Variants in RANBP2 observed in about 807,000 individuals in gnomAD.
RANBP2 encodes E3 SUMO-protein ligase RanBP2.
A neutral mutation model predicts 303.6 loss-of-function variants in RANBP2; 57 were observed. The observed-to-expected ratio is 0.19, with a 90% CI of 0.15 to 0.23. The LOEUF (loss-of-function observed/expected upper bound fraction) is 0.23. RANBP2 is among the 10% of genes least tolerant of loss of function. The pLI is 1.00. For synonymous variants in RANBP2, 1,167 were observed against 1,301.5 expected (o/e 0.90, Z 2.23); for missense variants, 3,138 against 3,780.8 (o/e 0.83, Z 4.46).
At chr2:109,455,658 G>A in the RANBP2 span, among the ~76,000 whole-genome samples, 3 of 152,202 alleles carry the variant, frequency 2.0e-5, no homozygotes, top group Non-Finnish European at 4.4e-5. Flanking sequence ...TCTCTAAAGT[G>A]AAGAATCGCT....
chr2:109,705,543 A>C, the RANBP2 span, among the ~76,000 whole-genome samples: 1 of 152,196 alleles, frequency 6.6e-6, no homozygotes, highest in Non-Finnish European at 1.5e-5. Flanking sequence ...AGTGGCGTTA[A>C]AGCTTGCTCT....
At chr2:109,145,115 C>A in the RANBP2 span, among the ~76,000 whole-genome samples, 1 of 152,184 alleles carries the variant, frequency 6.6e-6, no homozygotes, top group Non-Finnish European at 1.5e-5. Context: ...CTTCCCTCAC[C>A]GGCTCTGTCT....
At chr2:108,736,393 G>A in intron 6 of RANBP2, 144 bp downstream of exon 6, 1 of 1,485,346 alleles carries the variant, frequency 6.7e-7, no homozygotes. Flanking sequence ...CAACTAGGAG[G>A]CAATCTTATT....
chr2:109,451,535 T>A, the RANBP2 span, among the ~76,000 whole-genome samples: 1 of 151,158 alleles, frequency 6.6e-6, no homozygotes, highest in Non-Finnish European at 1.5e-5. Flanking sequence ...TCTATGACAT[T>A]ACGTCCTGTA....
chr2:109,719,758 T>A, the RANBP2 span, among the ~76,000 whole-genome samples: 2 of 151,806 alleles, frequency 1.3e-5, no homozygotes, highest in Non-Finnish European at 2.9e-5. Flanking sequence ...CTGGGGAGAG[T>A]CCATAGATAC....
the RANBP2 span, among the ~76,000 whole-genome samples, chr2:109,195,311 T>C: frequency 6.6e-6 from 1 of 152,096 alleles, no homozygotes; most frequent in Non-Finnish European, 1.5e-5. Context: ...TGGCAGGCAG[T>C]TCCTGGGAGG....
the RANBP2 span, among the ~76,000 whole-genome samples, chr2:108,997,592 G>A: frequency 7.2e-5 from 11 of 151,816 alleles, no homozygotes; most frequent in African/African-American, 1.9e-4. Context: ...AAGACCTGGT[G>A]TTAAGACACT....
At chr2:108,848,250 A>G in the RANBP2 span, among the ~76,000 whole-genome samples, 2 of 152,238 alleles carry the variant, frequency 1.3e-5, no homozygotes, top group Non-Finnish European at 2.9e-5. Context: ...TGCTAAGAAA[A>G]GCAAAAATGC....
chr2:109,030,024 G>A, the RANBP2 span, among the ~76,000 whole-genome samples: 2 of 152,208 alleles, frequency 1.3e-5, no homozygotes, highest in East Asian at 1.9e-4. Flanking sequence ...GCCAGTTCGA[G>A]TGTGTGGGTG....
the RANBP2 span, among the ~76,000 whole-genome samples, chr2:109,679,376 G>A: frequency 6.6e-6 from 1 of 152,166 alleles, no homozygotes; most frequent in Admixed American, 6.5e-5. Context: ...TAGAGAGTAG[G>A]TGAATTTGCA....
chr2:109,462,394 A>G, the RANBP2 span, among the ~76,000 whole-genome samples: 1 of 152,088 alleles, frequency 6.6e-6, no homozygotes, highest in Non-Finnish European at 1.5e-5. Flanking sequence ...AATTTGCTTA[A>G]ACAACGAAAC....
At chr2:109,559,404 G>C in the RANBP2 span, among the ~76,000 whole-genome samples, 2 of 152,262 alleles carry the variant, frequency 1.3e-5, no homozygotes, top group South Asian at 4.2e-4. Context: ...TCTGTAGCCT[G>C]ACCTAAACTT....
the RANBP2 span, among the ~76,000 whole-genome samples, chr2:108,961,319 T>C: frequency 6.6e-6 from 1 of 152,158 alleles, no homozygotes; most frequent in Admixed American, 6.5e-5. Context: ...CCTGGAGGCC[T>C]CTGCCCCCAG....
the RANBP2 span, among the ~76,000 whole-genome samples, chr2:108,965,414 G>T: frequency 6.6e-6 from 1 of 150,550 alleles, no homozygotes; most frequent in Non-Finnish European, 1.5e-5. Flanking sequence ...CCGGGAGGCC[G>T]AGGTCACGCC....
chr2:109,224,165 AGT>A, the RANBP2 span, among the ~76,000 whole-genome samples: 3 of 152,040 alleles, frequency 2.0e-5, no homozygotes, highest in Admixed American at 6.5e-5. Context: ...AGGCCTAGAG[AGT>A]GTGTGTGCAT....
At chr2:109,620,988 T>C in the RANBP2 span, among the ~76,000 whole-genome samples, 93 of 152,312 alleles carry the variant, frequency 6.1e-4, no homozygotes, top group African/African-American at 2.2e-3. Context: ...AAATTTAAAA[T>C]AGATCATTTT....
the RANBP2 span, among the ~76,000 whole-genome samples, chr2:109,382,457 C>A: frequency 5.3e-5 from 8 of 152,140 alleles, no homozygotes; most frequent in Non-Finnish European, 8.8e-5. Flanking sequence ...TGACCCCCGA[C>A]GTGGTTGGCC....
the RANBP2 span, among the ~76,000 whole-genome samples, chr2:108,918,586 T>C: frequency 3.3e-5 from 5 of 152,100 alleles, no homozygotes; most frequent in African/African-American, 1.2e-4. Flanking sequence ...AAAGTGAAAA[T>C]GAGCGGGGAC....
chr2:108,725,660 G>C (rs1229116154), intron 1 of RANBP2, among the ~76,000 whole-genome samples: 3 of 152,034 alleles, frequency 2.0e-5, no homozygotes, highest in Non-Finnish European at 2.9e-5. Flanking sequence ...GTACCCGGGA[G>C]GCAGAGGTTG....
Sources: allele counts gnomAD v4.1 joint callset (sites outside exome capture counted in the v4.1 genomes callset), GRCh38; gene constraint gnomAD v4.1.1; transcripts MANE v1.5; gene names NCBI Gene and HGNC (gene_info 2026-07-23, HGNC 2026-07-21).